The following FAM156A variants were observed in gnomAD, a reference collection of about 807,000 sequenced individuals.
FAM156A encodes the protein family with sequence similarity 156 member A, also known as protein FAM156A/FAM156B.
At chrX:52,975,496 C>T (rs1447698745) in intron 1 of FAM156A, among the ~76,000 whole-genome samples, 3 of 111,943 alleles carry the variant, frequency 2.7e-5, no homozygotes, top group African/African-American at 9.8e-5. Flanking sequence ...ATAGATCACA[C>T]TGGCATTCAC....
At chrX:52,975,051 T>TACACAC (rs61081750) in intron 1 of FAM156A, among the ~76,000 whole-genome samples, 2,838 of 83,607 alleles carry the variant, frequency 0.034, 64 homozygotes, top group African/African-American at 0.053. Context: ...GTTAAACACA[T>TACACAC]ACACACACAC....
At chrX:52,992,690 C>A (rs1930870792) in intron 1 of FAM156A, among the ~76,000 whole-genome samples, 1 of 110,198 alleles carries the variant, frequency 9.1e-6, no homozygotes, top group Non-Finnish European at 1.9e-5. Context: ...ATGTAACAAC[C>A]ATATAGTTCA....
chrX:52,985,041 C>T (rs1334159716), intron 1 of FAM156A, among the ~76,000 whole-genome samples: 3 of 110,934 alleles, frequency 2.7e-5, no homozygotes, highest in Admixed American at 9.6e-5. Flanking sequence ...ACACCATTTA[C>T]CCACTGAATT....
At chrX:52,992,676 G>A (rs1038861381) in intron 1 of FAM156A, among the ~76,000 whole-genome samples, 4 of 109,141 alleles carry the variant, frequency 3.7e-5, no homozygotes, top group Non-Finnish European at 5.7e-5. Flanking sequence ...TAAGCTGCAC[G>A]TTCATGTAAC....
intron 1 of FAM156A, among the ~76,000 whole-genome samples, chrX:52,979,658 G>A (rs1230925956): frequency 9.0e-6 from 1 of 111,409 alleles, no homozygotes; most frequent in Non-Finnish European, 1.9e-5. Context: ...CAGGATCCCA[G>A]AGCCATGACT....
At chrX:52,981,959 T>G (rs1355950541) in intron 1 of FAM156A, among the ~76,000 whole-genome samples, 1 of 110,261 alleles carries the variant, frequency 9.1e-6, no homozygotes, top group South Asian at 3.9e-4. Flanking sequence ...AGAAAACCAG[T>G]GTGTACTAAT....
intron 1 of FAM156A, among the ~76,000 whole-genome samples, chrX:52,989,688 C>T (rs1930557444): frequency 8.9e-6 from 1 of 112,112 alleles, no homozygotes; most frequent in Non-Finnish European, 1.9e-5. Flanking sequence ...AACCACCAGG[C>T]CTGGAGCTTC....
At chrX:52,973,634 T>G (rs782125005) in intron 1 of FAM156A, among the ~76,000 whole-genome samples, 34 of 112,055 alleles carry the variant, frequency 3.0e-4, no homozygotes, top group African/African-American at 9.1e-4. Flanking sequence ...AACTTCACAG[T>G]ACTGGACACG....
intron 1 of FAM156A, among the ~76,000 whole-genome samples, chrX:52,981,726 C>T (rs1556793436): frequency 9.0e-6 from 1 of 111,667 alleles, no homozygotes; most frequent in Non-Finnish European, 1.9e-5. Flanking sequence ...GTTGCCCCTA[C>T]TGTCCCCTAG....
At chrX:52,974,052 A>G (rs1929254506) in intron 1 of FAM156A, among the ~76,000 whole-genome samples, 1 of 112,027 alleles carries the variant, frequency 8.9e-6, no homozygotes, top group Non-Finnish European at 1.9e-5. Context: ...GGCTCAAGCA[A>G]TCCTCCTGCC....
chrX:52,990,994 G>A (rs1398764637), intron 1 of FAM156A, among the ~76,000 whole-genome samples: 1 of 111,204 alleles, frequency 9.0e-6, no homozygotes, highest in Non-Finnish European at 1.9e-5. Flanking sequence ...AGAGTTGACA[G>A]TCACGGAGTT....
chrX:52,993,287 G>C (rs1930909868), intron 1 of FAM156A, among the ~76,000 whole-genome samples: 1 of 110,509 alleles, frequency 9.0e-6, no homozygotes, highest in African/African-American at 3.3e-5. Flanking sequence ...TGCAAGGCCT[G>C]CTCCTCACTG....
intron 1 of FAM156A, among the ~76,000 whole-genome samples, chrX:52,980,672 G>A (rs1287864430): frequency 1.8e-5 from 2 of 111,768 alleles, no homozygotes; most frequent in African/African-American, 6.5e-5. Flanking sequence ...GGAGGAGAAT[G>A]CCAGAGGCCT....
intron 1 of FAM156A, among the ~76,000 whole-genome samples, chrX:52,993,095 T>A (rs911534234): frequency 1.3e-4 from 14 of 111,549 alleles, no homozygotes; most frequent in Non-Finnish European, 2.3e-4. Flanking sequence ...TCTCAGGTTG[T>A]GGGAGAAATA....
chrX:52,982,489 T>C (rs782187487), intron 1 of FAM156A, among the ~76,000 whole-genome samples: 20 of 111,212 alleles, frequency 1.8e-4, no homozygotes, highest in Admixed American at 1.1e-3. Flanking sequence ...AAAAAGAAAG[T>C]CAATTAATGT....
intron 1 of FAM156A, among the ~76,000 whole-genome samples, chrX:52,994,929 A>C (rs1931066124): frequency 9.0e-6 from 1 of 111,458 alleles, no homozygotes; most frequent in Middle Eastern, 4.6e-3. Context: ...GCAGTGAGCC[A>C]TGATCAGCCA....
In FAM156A at chrX:52,993,899, T is replaced by C. The variant is rs140630609; in HGVS notation, c.-434+1407A>G. ...TTGAAGGATGGCTGGAGTGGGGCCC[T>C]TTACACACATTGCTAAGATGCACAG... On this transcript the variant is annotated intron_variant, in intron 1 of 4. Coordinates refer to the FAM156A transcript ENST00000610625. Among the ~76,000 whole-genome samples, 330 of 111,182 alleles carry C rather than the reference T, an allele frequency of 3.0e-3. 6 individuals are homozygous for C. The East Asian group carries it at 0.073, about 25-fold the overall frequency.
intron 1 of FAM156A, among the ~76,000 whole-genome samples, chrX:52,993,027 A>G (rs782339422): frequency 9.0e-6 from 1 of 111,640 alleles, no homozygotes; most frequent in South Asian, 3.8e-4. Context: ...GAGCAGGCTC[A>G]GGGCACTTCT....
chrX:52,992,185 A>G (rs1384650332), intron 1 of FAM156A, among the ~76,000 whole-genome samples: 1 of 108,930 alleles, frequency 9.2e-6, no homozygotes, highest in East Asian at 2.9e-4. Context: ...CCAAAGTCAC[A>G]CCACCAGGGC....
Sources: gnomAD v4.1 joint callset for allele counts (sites outside exome capture counted in the v4.1 genomes callset) on GRCh38, gnomAD v4.1.1 for gene constraint, MANE v1.5 for transcripts, NCBI Gene and HGNC (gene_info 2026-07-23, HGNC 2026-07-21) for gene names.